Variants in SLC16A10 observed in about 807,000 individuals in gnomAD.
SLC16A10 encodes the protein solute carrier family 16 member 10.
A neutral mutation model predicts 40.0 loss-of-function variants in SLC16A10; 27 were observed. The observed-to-expected ratio is 0.67, with a 90% CI of 0.50 to 0.93. SLC16A10 has a LOEUF of 0.93. Ranked by LOEUF, SLC16A10 falls within the 40% of genes least tolerant of loss-of-function variation. The pLI is 0.00. For synonymous variants in SLC16A10, 213 were observed against 249.8 expected, an observed-to-expected ratio of 0.85 and a Z score of 1.39; for missense variants, 529 against 658.2, an observed-to-expected ratio of 0.80 and a Z score of 2.15.
intron 1 of SLC16A10, among the ~76,000 whole-genome samples, chr6:111,114,896 A>G (rs954505604): frequency 6.6e-6 from 1 of 152,050 alleles, no homozygotes; most frequent in African/African-American, 2.4e-5. Flanking sequence ...TTTTTTTGAG[A>G]CAGTGTCTCA....
intron 1 of SLC16A10, among the ~76,000 whole-genome samples, chr6:111,105,168 A>G (rs1164491746): frequency 6.6e-6 from 1 of 152,084 alleles, no homozygotes; most frequent in Non-Finnish European, 1.5e-5. Flanking sequence ...AGACCAAGAG[A>G]CTGTGAGAAT....
chr6:111,111,103 A>G (rs1771377403), intron 1 of SLC16A10, among the ~76,000 whole-genome samples: 1 of 152,110 alleles, frequency 6.6e-6, no homozygotes, highest in South Asian at 2.1e-4. Flanking sequence ...AATACCCTCC[A>G]AGGCAAAATT....
intron 3 of SLC16A10, among the ~76,000 whole-genome samples, chr6:111,195,393 T>C (rs2114571239): frequency 6.6e-6 from 1 of 152,244 alleles, no homozygotes; most frequent in South Asian, 2.1e-4. Flanking sequence ...GAGGAGTTAT[T>C]TAATGGGCAC....
intron 3 of SLC16A10, among the ~76,000 whole-genome samples, chr6:111,187,964 A>G (rs1224960203): frequency 4.6e-5 from 7 of 152,094 alleles, no homozygotes; most frequent in Admixed American, 4.6e-4. Flanking sequence ...CCTCTCCTTC[A>G]TGTTGGTTGG....
chr6:111,094,666 C>T (rs1771041671), intron 1 of SLC16A10, among the ~76,000 whole-genome samples: 1 of 152,056 alleles, frequency 6.6e-6, no homozygotes, highest in Non-Finnish European at 1.5e-5. Context: ...GGGATAGGGC[C>T]TCACTGTGTT....
chr6:111,137,150 A>G (rs1771894733), intron 1 of SLC16A10, among the ~76,000 whole-genome samples: 1 of 152,226 alleles, frequency 6.6e-6, no homozygotes, highest in Admixed American at 6.5e-5. Context: ...AAGAACCGCT[A>G]GTATGGGGTA....
chr6:111,184,190 C>T (rs1348986332), intron 3 of SLC16A10, among the ~76,000 whole-genome samples: 1 of 152,126 alleles, frequency 6.6e-6, no homozygotes, highest in African/African-American at 2.4e-5. Flanking sequence ...TGACTCTAGA[C>T]CATATCATTG....
intron 1 of SLC16A10, among the ~76,000 whole-genome samples, chr6:111,136,890 CTAAG>C (rs1771889627): frequency 6.6e-6 from 1 of 152,208 alleles, no homozygotes; most frequent in South Asian, 2.1e-4. Flanking sequence ...TATACAGACT[CTAAG>C]TATGCTTACC....
intron 1 of SLC16A10, among the ~76,000 whole-genome samples, chr6:111,121,519 C>T (rs1194581677): frequency 6.6e-6 from 1 of 152,222 alleles, no homozygotes; most frequent in East Asian, 1.9e-4. Context: ...TCTGATTATG[C>T]CACTGCACCC....
At chr6:111,110,361 T>TG (rs397687046) in intron 1 of SLC16A10, among the ~76,000 whole-genome samples, 47 of 150,942 alleles carry the variant, frequency 3.1e-4, no homozygotes, top group Non-Finnish European at 6.1e-4. Context: ...TTTTTTTTTT[T>TG]GAAGATAGGA....
intron 1 of SLC16A10, among the ~76,000 whole-genome samples, chr6:111,164,246 A>G (rs1439350720): frequency 1.4e-5 from 2 of 147,496 alleles, no homozygotes; most frequent in African/African-American, 2.7e-5. Flanking sequence ...CTAAAAACAC[A>G]TTTACTTTCC....
At chr6:111,189,445 A>T (rs539551140) in intron 3 of SLC16A10, among the ~76,000 whole-genome samples, 1 of 152,342 alleles carries the variant, frequency 6.6e-6, no homozygotes, top group African/African-American at 2.4e-5. Context: ...TTGATGTATT[A>T]TTAAAAATCT....
intron 5 of SLC16A10, among the ~76,000 whole-genome samples, chr6:111,220,157 A>G (rs998090688): frequency 6.6e-6 from 1 of 152,234 alleles, no homozygotes; most frequent in African/African-American, 2.4e-5. Context: ...TCATACAGAT[A>G]GAAAACTGGT....
intron 1 of SLC16A10, among the ~76,000 whole-genome samples, chr6:111,158,087 TTAA>T (rs1479797804): frequency 1.3e-5 from 2 of 152,096 alleles, no homozygotes; most frequent in Admixed American, 1.3e-4. Flanking sequence ...AAAAGAGCTA[TTAA>T]TAATATAATG....
chr6:111,197,098 G>A (rs987314329), intron 3 of SLC16A10, among the ~76,000 whole-genome samples: 1 of 152,084 alleles, frequency 6.6e-6, no homozygotes, highest in African/African-American at 2.4e-5. Context: ...TCTTCATTCC[G>A]GTAAAAACAA....
chr6:111,171,846 A>G (rs933517211), intron 1 of SLC16A10, among the ~76,000 whole-genome samples: 3 of 151,188 alleles, frequency 2.0e-5, no homozygotes, highest in Non-Finnish European at 4.4e-5. Context: ...GCAAAAAATT[A>G]AATTATTAGT....
Position 111,206,591 on chromosome 6 carries a change from G to A in SLC16A10, c.943-1G>A. 1 of 1,613,864 alleles carries A rather than the reference G, an allele frequency of 6.2e-7. No homozygotes were observed. Among genetic ancestry groups the A allele is most frequent in the Non-Finnish European group, 8.5e-7 (1 of 1,179,916 alleles). ...GTGGTTTCTTTCTCTTTGGCCTATA[G>A]ATGAAACATGTAAATGAAAGATTTC... is the stretch of plus-strand genomic sequence containing the variant. On this transcript the variant is annotated splice_acceptor_variant, in intron 3 of 5. Transcript: ENST00000368851. LOFTEE classifies it high-confidence loss of function.
intron 4 of SLC16A10, among the ~76,000 whole-genome samples, chr6:111,218,582 A>C (rs1298231137): frequency 1.3e-5 from 2 of 152,124 alleles, no homozygotes; most frequent in East Asian, 3.8e-4. Flanking sequence ...CCAGCTCAAA[A>C]ACAATACGTT....
rs542347005 is a variant in SLC16A10, at chr6:111,116,931, A to G, written c.343+28836A>G. Reference sequence around the variant, plus strand: ...AGTGCCCCCTTTGAAGATAAAACTAAAACATTTTAAGCCTGGAATTGCTTT... The same window carrying G: ...AGTGCCCCCTTTGAAGATAAAACTAGAACATTTTAAGCCTGGAATTGCTTT... On this transcript the variant is annotated intron_variant, in intron 1 of 5. Transcript: ENST00000368851. 5.3e-5 allele frequency among the ~76,000 whole-genome samples: 8 copies of G among 152,362 alleles called. No individual in the cohort carries two copies. The South Asian group carries it at 1.7e-3, about 32-fold the overall frequency.
Sources: allele counts gnomAD v4.1 joint callset (sites outside exome capture counted in the v4.1 genomes callset), GRCh38; gene constraint gnomAD v4.1.1; transcripts MANE v1.5; gene names NCBI Gene and HGNC (gene_info 2026-07-23, HGNC 2026-07-21).